Variants in GALNT6 observed in about 807,000 individuals in gnomAD.
GALNT6 encodes GalNAc transferase 6.
In GALNT6, 51 loss-of-function variants were observed where a neutral mutation model predicts 65.9. The ratio of observed to expected loss-of-function variants is 0.77; its 90% confidence interval spans 0.62 to 0.98. The LOEUF is 0.98. Ranked by LOEUF, GALNT6 falls within the 50% of genes least tolerant of loss-of-function variation. The probability of loss-of-function intolerance (pLI) is 0.00; values close to 1 mark genes in which losing one functional copy is unlikely to be tolerated. For synonymous variants in GALNT6, 323 were observed against 315.1 expected, an observed-to-expected ratio of 1.02 and a Z score of -0.26; for missense variants, 708 against 803.3, an observed-to-expected ratio of 0.88 and a Z score of 1.43.
chr12:51,360,901 G>C (rs1332033342), intron 6 of GALNT6, 63 bp from the exon 7 acceptor site: 2 of 1,163,160 alleles, frequency 1.7e-6, no homozygotes, highest in Non-Finnish European at 2.6e-6. Flanking sequence ...GCCTGGCGGG[G>C]AAAGCTGTTT....
intron 4 of GALNT6, 67 bp from the exon 5 acceptor site, chr12:51,365,646 C>T: frequency 6.6e-7 from 1 of 1,520,208 alleles, no homozygotes; most frequent in Non-Finnish European, 9.0e-7. Flanking sequence ...CTGTGGGCAC[C>T]AAGCTAGGGG....
chr12:51,365,348 C>A lies in GALNT6; in HGVS notation c.814+82G>T. 3.0e-6 allele frequency: 4 copies of A among 1,337,548 alleles called. No homozygotes were observed. The South Asian group carries it at 5.6e-5, about 19-fold the overall frequency. 82.9% of individuals were successfully genotyped at this position (1,337,548 alleles called of 1,614,324 possible). On this transcript the variant is annotated intron_variant, in intron 5 of 11. Coordinates refer to ENST00000356317, the MANE Select transcript of GALNT6 (RefSeq NM_007210.4). Reference sequence around the variant, plus strand: ...TCCCGGAAGAGAGAACAGGAAGGGGCCTTGGGGAGGCTGTGGCCCTGGCTC... The same window carrying A: ...TCCCGGAAGAGAGAACAGGAAGGGGACTTGGGGAGGCTGTGGCCCTGGCTC...
rs151157436 is a variant in GALNT6, at chr12:51,375,342, G to C, written c.664+1853C>G. Among the ~76,000 whole-genome samples, 29 of 152,248 alleles carry C rather than the reference G, an allele frequency of 1.9e-4. No individual in the cohort carries two copies. The East Asian group carries it at 5.0e-3, about 26-fold the overall frequency. On this transcript the variant is annotated intron_variant, in intron 4 of 11. Coordinates refer to ENST00000356317, the MANE Select transcript of GALNT6 (RefSeq NM_007210.4). ...TTAGACACTCATCCTTTAAGGCCCAGCTCCAATCTGGCTTCCACTGCAGAC... is the reference window on the plus strand; with the variant it reads ...TTAGACACTCATCCTTTAAGGCCCACCTCCAATCTGGCTTCCACTGCAGAC...
intron 7 of GALNT6, 135 bp downstream of exon 7, chr12:51,360,586 A>G (rs6580827): frequency 0.61 from 406,464 of 663,174 alleles, 126,401 homozygotes; most frequent in South Asian, 0.72. Flanking sequence ...AGAGGAAGAG[A>G]CACACTGGGA....
rs962165351 is a variant in GALNT6 at position 51,353,759 on chromosome 12, GT to G, written c.*619del. 1.3e-5 allele frequency: 2 copies of G among 150,252 alleles called. No homozygotes were observed. Among genetic ancestry groups the G allele is most frequent in the Admixed American group, 6.6e-5 (1 of 15,046 alleles). 9.3% of individuals were successfully genotyped at this position (150,252 alleles called of 1,614,324 possible). On this transcript the variant is annotated 3_prime_UTR_variant, in exon 12 of 12. Coordinates refer to ENST00000356317, the MANE Select transcript of GALNT6 (RefSeq NM_007210.4). Reference sequence around the variant, plus strand: ...AGAAGTACTTTTCTTCTTCTTTTTTGTTTTTTTTTGAGACAGAGTCTTACCT... The same window carrying G: ...AGAAGTACTTTTCTTCTTCTTTTTTGTTTTTTTTGAGACAGAGTCTTACCT...
chr12:51,377,668 T>A (rs1460927940), intron 3 of GALNT6, among the ~76,000 whole-genome samples: 2 of 152,136 alleles, frequency 1.3e-5, no homozygotes, highest in Admixed American at 1.3e-4. Context: ...TGCTATCTGC[T>A]CTCAGGCTAG....
chr12:51,355,402 A>T (rs1592308554), intron 11 of GALNT6, among the ~76,000 whole-genome samples: 2 of 151,706 alleles, frequency 1.3e-5, no homozygotes, highest in Non-Finnish European at 2.9e-5. Flanking sequence ...GCTCTACTCC[A>T]CCCCATGGCG....
At chr12:51,378,531 C>T (rs554313328) in intron 3 of GALNT6, among the ~76,000 whole-genome samples, 2 of 152,144 alleles carry the variant, frequency 1.3e-5, no homozygotes, top group Non-Finnish European at 2.9e-5. Context: ...ATACTTGGCT[C>T]AAGTCTCAAG....
rs527811271 is a variant in GALNT6, at chr12:51,357,367, G to C, written c.1584C>G (p.His528Gln). The stretch of plus-strand genomic sequence containing the variant: ...TGCATACCTGGTTGCCGCCAAGGCC[G>C]TGGCAGGAGTACATGATGAGGGGCT... ...GGKPLIMYSCHGLGGNQYFEY... is the reference protein window; with the variant it reads ...GGKPLIMYSCQGLGGNQYFEY... The change falls in exon 10 of 12, where the codon CAC becomes CAG. Residue 528 changes from histidine (H) to glutamine (Q), a missense_variant. Coordinates refer to ENST00000356317, the MANE Select transcript of GALNT6 (RefSeq NM_007210.4). 1 of 1,612,594 alleles carries C rather than the reference G, an allele frequency of 6.2e-7. No individual in the cohort carries two copies. The highest frequency in any genetic ancestry group is 8.5e-7 in the Non-Finnish European group (1 of 1,178,612).
chr12:51,386,237 G>A (rs1229607277), intron 2 of GALNT6, among the ~76,000 whole-genome samples: 3 of 152,202 alleles, frequency 2.0e-5, no homozygotes, highest in African/African-American at 4.8e-5. Context: ...CACACAGCTA[G>A]TGGCTCCCAG....
chr12:51,390,067 T>G (rs1161501038), intron 2 of GALNT6, among the ~76,000 whole-genome samples: 3 of 152,106 alleles, frequency 2.0e-5, no homozygotes, highest in African/African-American at 7.2e-5. Context: ...ATGGCACCAT[T>G]AAGGAACTGG....
chr12:51,360,694 T>TC (rs1179520681), intron 7 of GALNT6, 27 bp downstream of exon 7: 1 of 1,316,970 alleles, frequency 7.6e-7, no homozygotes, highest in Non-Finnish European at 1.1e-6. Flanking sequence ...ATGTTGTGGT[T>TC]CCCCCCAAAG....
chr12:51,389,009 T>G (rs955218297), intron 2 of GALNT6, among the ~76,000 whole-genome samples: 2 of 152,192 alleles, frequency 1.3e-5, no homozygotes, highest in African/African-American at 4.8e-5. Flanking sequence ...TGGAGTGAGC[T>G]CACCCTTGTT....
intron 2 of GALNT6, among the ~76,000 whole-genome samples, chr12:51,381,529 G>C (rs1258638963): frequency 6.6e-6 from 1 of 152,048 alleles, no homozygotes; most frequent in East Asian, 1.9e-4. Context: ...CTACCTCCTA[G>C]GGTTGTTACA....
At chr12:51,374,899 A>C (rs558791214) in intron 4 of GALNT6, among the ~76,000 whole-genome samples, 2 of 152,206 alleles carry the variant, frequency 1.3e-5, no homozygotes, top group South Asian at 4.1e-4. Context: ...AAACACTTTC[A>C]ACGACTCCTT....
At chr12:51,354,516 TC>T in intron 11 of GALNT6, 24 bp from the exon 12 acceptor site, 1 of 1,484,418 alleles carries the variant, frequency 6.7e-7, no homozygotes, top group South Asian at 1.2e-5. Flanking sequence ...AAGCAAAAGG[TC>T]AGTCTGGGCC....
Position 51,358,269 on chromosome 12 carries a change from T to C in GALNT6, c.1369-8A>G, listed in dbSNP as rs750478149. 6.2e-7 allele frequency: 1 copy of C among 1,612,004 alleles called. No individual in the cohort carries two copies. The highest frequency in any genetic ancestry group is 8.5e-7 in the Non-Finnish European group (1 of 1,179,008). On this transcript the variant is annotated splice_region_variant and splice_polypyrimidine_tract_variant and intron_variant, in intron 8 of 11. Coordinates refer to ENST00000356317, the MANE Select transcript of GALNT6 (RefSeq NM_007210.4). ...AATGTCACCGAAGGATTTCTGTCAA[T>C]CAAGCCAGCCCCCTAAGGATCAGTT...
Position 51,360,698 on chromosome 12 carries a change from C to G in GALNT6, c.1167+23G>C, listed in dbSNP as rs1415225378. On this transcript the variant is annotated intron_variant, in intron 7 of 11. Transcript: ENST00000356317. ...TGTCGCCTGGGATGTTGTGGTTCCC[C>G]CCAAAGCCCTCTTCACTCTCACCCG... The G allele has an allele frequency of 5.7e-6, 8 of 1,401,452 alleles. 1 individual carries two copies. The South Asian group carries it at 9.2e-5, about 16-fold the overall frequency. 86.8% of individuals were successfully genotyped at this position (1,401,452 alleles called of 1,614,324 possible).
At chr12:51,381,814 T>A (rs1434400899) in intron 2 of GALNT6, among the ~76,000 whole-genome samples, 1 of 152,262 alleles carries the variant, frequency 6.6e-6, no homozygotes, top group Non-Finnish European at 1.5e-5. Flanking sequence ...TATCAACTAT[T>A]TCTATTATTA....
Sources: gnomAD v4.1 joint callset for allele counts (sites outside exome capture counted in the v4.1 genomes callset) on GRCh38, gnomAD v4.1.1 for gene constraint, MANE v1.5 for transcripts, NCBI Gene and HGNC (gene_info 2026-07-23, HGNC 2026-07-21) for gene names.